The following CELSR1 variants were observed in gnomAD, a reference collection of about 807,000 sequenced individuals.
CELSR1 encodes cadherin EGF LAG seven-pass G-type receptor 1.
A neutral mutation model predicts 249.1 loss-of-function variants in CELSR1; 110 were observed. That is an observed-to-expected ratio of 0.44 (90% CI 0.38 to 0.52). CELSR1 has a LOEUF of 0.52. Among genes scored for constraint, CELSR1 ranks in the 20% least tolerant of loss-of-function variants. The probability of loss-of-function intolerance (pLI) is 0.00; values close to 1 mark genes in which losing one functional copy is unlikely to be tolerated. For missense variants in CELSR1, 4,109 were observed against 4,296.4 expected, an observed-to-expected ratio of 0.96 and a Z score of 1.22; for synonymous variants, 2,113 against 1,900.0, an observed-to-expected ratio of 1.11 and a Z score of -2.92.
chr22:46,375,138 C>T (rs1304085800), intron 24 of CELSR1, among the ~76,000 whole-genome samples: 1 of 152,166 alleles, frequency 6.6e-6, no homozygotes, highest in Non-Finnish European at 1.5e-5. Context: ...CAGGTCTGCA[C>T]GTGGCCCTGA....
intron 1 of CELSR1, among the ~76,000 whole-genome samples, chr22:46,521,504 C>CAA (rs550935833): frequency 1.5e-5 from 2 of 137,076 alleles, no homozygotes; most frequent in African/African-American, 5.4e-5. Context: ...GACTCCATCT[C>CAA]AAAAAAAAAA....
At chr22:46,487,909 C>A (rs9616016) in intron 1 of CELSR1, among the ~76,000 whole-genome samples, 3 of 111,306 alleles carry the variant, frequency 2.7e-5, no homozygotes, top group African/African-American at 1.1e-4. Flanking sequence ...TATGGGAGGG[C>A]TGTCCAGCTG....
intron 1 of CELSR1, among the ~76,000 whole-genome samples, chr22:46,533,323 A>C (rs982374845): frequency 3.9e-5 from 6 of 152,194 alleles, no homozygotes; most frequent in Non-Finnish European, 7.4e-5. Flanking sequence ...GCCACTTTTT[A>C]ATAGCTGTAC....
At position 46,527,466 on chromosome 22, in the gene CELSR1, A is replaced by AG. The variant is rs1446056059; in HGVS notation, c.3544+6160dup. Among the ~76,000 whole-genome samples, 1 of 152,094 alleles carries AG rather than the reference A, an allele frequency of 6.6e-6. No individual in the cohort carries two copies. Among genetic ancestry groups the AG allele is most frequent in the Non-Finnish European group, 1.5e-5 (1 of 67,990 alleles). ...TGCCCATCACACACTGCACACGTCC[A>AG]GGGGGGTAGAGAAGAGTCCCAGCCC... On this transcript the variant is annotated intron_variant, in intron 1 of 34. Coordinates refer to ENST00000674500, the MANE Select transcript of CELSR1 (RefSeq NM_001378328.1). The surrounding 1 kb of genome is among the most constrained non-coding windows in gnomAD (Gnocchi z 5.5).
chr22:46,462,675 A>C, intron 2 of CELSR1: 1 of 215,550 alleles, frequency 4.6e-6, no homozygotes, highest in Admixed American at 6.0e-5. Flanking sequence ...CAGACTATTC[A>C]CCACTGGGAC....
chr22:46,405,459 CAAAAAAAA>C (rs869105580), intron 9 of CELSR1, among the ~76,000 whole-genome samples: 2 of 84,850 alleles, frequency 2.4e-5, no homozygotes, highest in African/African-American at 3.3e-5. Flanking sequence ...GACTCCGTCT[CAAAAAAAA>C]AAAAAAAAAA....
chr22:46,443,654 C>G (rs569426154), intron 2 of CELSR1, among the ~76,000 whole-genome samples: 5 of 129,390 alleles, frequency 3.9e-5, no homozygotes, highest in African/African-American at 1.5e-4. Context: ...TGTCCATACA[C>G]CTGTTCACAC....
At chr22:46,431,079 C>T (rs112145100) in intron 5 of CELSR1, among the ~76,000 whole-genome samples, 1,925 of 152,336 alleles carry the variant, frequency 0.013, 49 homozygotes, top group African/African-American at 0.041. Flanking sequence ...GCTCAGGCAC[C>T]GCTGACAGGA....
At chr22:46,507,466 C>T (rs531809239) in intron 1 of CELSR1, among the ~76,000 whole-genome samples, 11 of 152,162 alleles carry the variant, frequency 7.2e-5, no homozygotes, top group Admixed American at 6.5e-5. Context: ...GCTGCCCCAG[C>T]GGCTCCCTCC....
chr22:46,422,731 C>T (rs976872393), intron 5 of CELSR1, among the ~76,000 whole-genome samples: 6 of 148,834 alleles, frequency 4.0e-5, no homozygotes, highest in African/African-American at 1.3e-4. Flanking sequence ...CACGCCACTG[C>T]ACTCCAGCCT....
chr22:46,386,359 T>TGATGGTAGCAGGGTTCCACCCCC (rs2079033425), intron 19 of CELSR1, 43 bp downstream of exon 19: 2 of 1,482,498 alleles, frequency 1.3e-6, no homozygotes, highest in Admixed American at 2.3e-5. Flanking sequence ...GGCACACCCC[T>TGATGGTAGCAGGGTTCCACCCCC]GATGGTAGCA....
rs957246224 is a variant in CELSR1, at chr22:46,463,825, G to A, written c.4065C>T (p.Phe1355=). 1.9e-6 allele frequency: 3 copies of A among 1,611,536 alleles called. No homozygotes were observed. Among genetic ancestry groups the A allele is most frequent in the Admixed American group, 3.3e-5 (2 of 59,830 alleles). ...NGLRCRCPPG[F]TGDYCETEID... is the part of the protein sequence containing the mutation. ...TCTCCGTCTCGCAGTAGTCGCCGGT[G>A]AAGCCGGGCGGGCAGCGGCAGCGCA... Residue 1355 remains phenylalanine, a synonymous_variant, in exon 2 of 35, where the codon TTC becomes TTT. Transcript: ENST00000674500.
chr22:46,440,447 C>T lies in CELSR1; in HGVS notation c.4184-1036G>A, dbSNP rs941303193. The stretch of plus-strand genomic sequence containing the variant: ...ATCTCCTAACCTCGTGATCCGCCTG[C>T]CTTGGCCTCCCAAAGTGCTGGGATT... On this transcript the variant is annotated intron_variant, in intron 2 of 34. Transcript: ENST00000674500. The surrounding 1 kb of genome is among the most constrained non-coding windows in gnomAD (Gnocchi z 4.7). Among the ~76,000 whole-genome samples, 17 of 152,218 alleles carry T rather than the reference C, an allele frequency of 1.1e-4. No individual in the cohort carries two copies. The highest frequency in any genetic ancestry group is 7.9e-4 in the Admixed American group (12 of 15,282).
chr22:46,462,240 C>T (rs950639040), intron 2 of CELSR1, among the ~76,000 whole-genome samples: 2 of 152,226 alleles, frequency 1.3e-5, no homozygotes, highest in East Asian at 1.9e-4. Flanking sequence ...GACTAGCAGG[C>T]GTGGGAACAC....
intron 1 of CELSR1, among the ~76,000 whole-genome samples, chr22:46,510,727 T>C (rs1007227570): frequency 2.0e-5 from 3 of 152,172 alleles, no homozygotes; most frequent in African/African-American, 7.2e-5. Context: ...TTTTCTAGAG[T>C]GTGTGTGCTT....
chr22:46,421,415 C>A (rs1331089014), intron 5 of CELSR1, among the ~76,000 whole-genome samples: 1 of 152,160 alleles, frequency 6.6e-6, no homozygotes, highest in African/African-American at 2.4e-5. Flanking sequence ...AGCCCTGGGG[C>A]GACTTTCCAT....
intron 1 of CELSR1, among the ~76,000 whole-genome samples, chr22:46,531,218 T>C (rs867107205): frequency 2.4e-4 from 32 of 135,624 alleles, no homozygotes; most frequent in Middle Eastern, 3.6e-3. Context: ...TATTTATTTA[T>C]TTATTTTGAG....
In CELSR1 at chr22:46,518,346, C is replaced by T. The variant is rs16995346; in HGVS notation, c.3544+15281G>A. 1.3e-5 allele frequency among the ~76,000 whole-genome samples: 2 copies of T among 152,244 alleles called. No homozygotes were observed. Among genetic ancestry groups the T allele is most frequent in the Admixed American group, 1.3e-4 (2 of 15,282 alleles). On this transcript the variant is annotated intron_variant, in intron 1 of 34. Coordinates refer to ENST00000674500, the MANE Select transcript of CELSR1 (RefSeq NM_001378328.1). The surrounding 1 kb of genome is among the most constrained non-coding windows in gnomAD (Gnocchi z 5.2). ...GCAGGGGCGCTCAGCCCGTGCCACA[C>T]TCAGTCTCGTTAGAGGAGAACGAAG...
intron 1 of CELSR1, among the ~76,000 whole-genome samples, chr22:46,486,485 T>A (rs2080314126): frequency 6.6e-6 from 1 of 151,396 alleles, no homozygotes; most frequent in Non-Finnish European, 1.5e-5. Flanking sequence ...GAGGCAGAGG[T>A]TGCAGTGAGC....
Sources: allele counts gnomAD v4.1 joint callset (sites outside exome capture counted in the v4.1 genomes callset), GRCh38; gene constraint gnomAD v4.1.1; non-coding constraint Gnocchi (gnomAD v3.1); transcripts MANE v1.5; gene names NCBI Gene and HGNC (gene_info 2026-07-23, HGNC 2026-07-21).